Variants in PLPPR5 observed in about 807,000 individuals in gnomAD.
PLPPR5 encodes the protein phospholipid phosphatase-related protein type 5.
In PLPPR5, 16 loss-of-function variants were observed where a neutral mutation model predicts 33.9. The ratio of observed to expected loss-of-function variants is 0.47; its 90% CI spans 0.32 to 0.72. PLPPR5 has a LOEUF of 0.72. Among genes scored for constraint, PLPPR5 ranks in the 30% least tolerant of loss-of-function variants. The pLI is 0.03. For synonymous variants in PLPPR5, 163 were observed against 150.3 expected (o/e 1.08, Z -0.62); for missense variants, 301 against 406.7 (o/e 0.74, Z 2.23).
At chr1:98,960,744 C>T (rs1651215235) in intron 1 of PLPPR5, among the ~76,000 whole-genome samples, 1 of 152,160 alleles carries the variant, frequency 6.6e-6, no homozygotes, top group African/African-American at 2.4e-5. Context: ...AGAAGTGTCA[C>T]TGAGTCACTG....
In PLPPR5 at chr1:98,922,072, T is replaced by TA. The variant is rs79819201; in HGVS notation, c.622-15dup. On this transcript the variant is annotated splice_polypyrimidine_tract_variant and intron_variant, in intron 3 of 5. Transcript: ENST00000263177. Reference sequence around the variant, plus strand: ...GGTGATGTACATCTGAAACATTCAATAAAAAAAATGACTTTTCATGAAGGT... The same window carrying TA: ...GGTGATGTACATCTGAAACATTCAATAAAAAAAAATGACTTTTCATGAAGGT... The TA allele has an allele frequency of 0.74, 1,147,218 of 1,554,006 alleles. 420,200 individuals are homozygous for TA. The highest frequency in any genetic ancestry group is 0.78 in the East Asian group (33,940 of 43,450).
intron 3 of PLPPR5, among the ~76,000 whole-genome samples, chr1:98,932,917 C>A (rs1650036380): frequency 6.6e-6 from 1 of 152,168 alleles, no homozygotes; most frequent in African/African-American, 2.4e-5. Flanking sequence ...CAGCTCCACA[C>A]TCCTTTATCT....
At chr1:98,898,873 G>C (rs757093676) in intron 5 of PLPPR5, among the ~76,000 whole-genome samples, 1 of 152,062 alleles carries the variant, frequency 6.6e-6, no homozygotes, top group Non-Finnish European at 1.5e-5. Context: ...GGAGCTAACA[G>C]CTACCTTCTA....
intron 1 of PLPPR5, among the ~76,000 whole-genome samples, chr1:98,958,144 T>C (rs1199251862): frequency 6.6e-6 from 1 of 152,228 alleles, no homozygotes; most frequent in Non-Finnish European, 1.5e-5. Flanking sequence ...ATTGTGAAGT[T>C]TGCTTTTATT....
At chr1:98,927,117 A>C (rs368325007) in intron 3 of PLPPR5, among the ~76,000 whole-genome samples, 230 of 152,292 alleles carry the variant, frequency 1.5e-3, no homozygotes, top group South Asian at 8.7e-3. Context: ...TGAAGTCATA[A>C]ATTTTCTATA....
At chr1:98,895,451 G>A (rs1347969530) in intron 5 of PLPPR5, among the ~76,000 whole-genome samples, 3 of 151,942 alleles carry the variant, frequency 2.0e-5, no homozygotes, top group Non-Finnish European at 2.9e-5. Flanking sequence ...CCTTAATAAT[G>A]AGGCATGGAT....
intron 1 of PLPPR5, among the ~76,000 whole-genome samples, chr1:98,988,226 A>C (rs951700051): frequency 7.9e-5 from 12 of 152,118 alleles, no homozygotes; most frequent in Non-Finnish European, 4.4e-5. Context: ...ATTCTTTGTC[A>C]AAAGTTGCAG....
intron 1 of PLPPR5, among the ~76,000 whole-genome samples, chr1:98,973,475 C>T (rs1651734477): frequency 6.6e-6 from 1 of 151,778 alleles, no homozygotes. Flanking sequence ...ATGTTGATCA[C>T]AAGCAAAGCT....
intron 3 of PLPPR5, among the ~76,000 whole-genome samples, chr1:98,924,853 C>T (rs1423395328): frequency 6.6e-6 from 1 of 152,200 alleles, no homozygotes; most frequent in African/African-American, 2.4e-5. Context: ...TTTGGCTTTT[C>T]CCTCCATCAG....
chr1:98,973,884 A>C (rs1651749201), intron 1 of PLPPR5, among the ~76,000 whole-genome samples: 1 of 151,660 alleles, frequency 6.6e-6, no homozygotes, highest in Non-Finnish European at 1.5e-5. Flanking sequence ...GGAGGCCATA[A>C]AATTTCTGGG....
chr1:98,906,482 G>A (rs927588914), intron 5 of PLPPR5, among the ~76,000 whole-genome samples: 30 of 152,094 alleles, frequency 2.0e-4, no homozygotes, highest in African/African-American at 6.0e-4. Flanking sequence ...TACTTGTCTG[G>A]AAAATGATCT....
At chr1:98,933,300 G>A (rs1337395368) in intron 3 of PLPPR5, among the ~76,000 whole-genome samples, 5 of 151,770 alleles carry the variant, frequency 3.3e-5, no homozygotes, top group East Asian at 3.9e-4. Flanking sequence ...TGGCTAACAC[G>A]GTGAAACCCC....
At chr1:99,004,249 C>A (rs1390370421) in intron 1 of PLPPR5, 186 bp downstream of exon 1, 5 of 583,626 alleles carry the variant, frequency 8.6e-6, no homozygotes, top group Non-Finnish European at 1.5e-5. Context: ...GTGGGAAGAG[C>A]TGGGGGCTTC....
intron 1 of PLPPR5, among the ~76,000 whole-genome samples, chr1:98,974,414 T>C (rs1280490912): frequency 6.6e-6 from 1 of 152,116 alleles, no homozygotes; most frequent in African/African-American, 2.4e-5. Flanking sequence ...AATGGAAGAA[T>C]TCTCCACACA....
rs571842349 is a variant in PLPPR5 at position 98,974,838 on chromosome 1, G to A, written c.238-18097C>T. Among the ~76,000 whole-genome samples the A allele has an allele frequency of 1.0e-3, 159 of 152,036 alleles. 1 individual carries two copies. Among genetic ancestry groups the A allele is most frequent in the African/African-American group, 3.5e-3 (144 of 41,494 alleles). On this transcript the variant is annotated intron_variant, in intron 1 of 5. Transcript: ENST00000263177. ...AGCAGATCCCTATTCCTGAGTTTTC[G>A]CTTTGATCACTTACTTTGCACCTCA... is the stretch of plus-strand genomic sequence containing the variant.
intron 3 of PLPPR5, among the ~76,000 whole-genome samples, chr1:98,937,013 A>G (rs889676796): frequency 1.3e-5 from 2 of 152,224 alleles, no homozygotes; most frequent in Non-Finnish European, 2.9e-5. Flanking sequence ...GTTATAGGCT[A>G]CATGAGGTAG....
intron 3 of PLPPR5, among the ~76,000 whole-genome samples, chr1:98,933,951 G>A (rs1462534916): frequency 1.3e-5 from 2 of 152,196 alleles, no homozygotes; most frequent in Admixed American, 1.3e-4. Context: ...TTACGCAAAA[G>A]GAGAGGGGGT....
At chr1:98,911,549 T>A (rs1262015820) in intron 5 of PLPPR5, among the ~76,000 whole-genome samples, 1 of 152,116 alleles carries the variant, frequency 6.6e-6, no homozygotes, top group Non-Finnish European at 1.5e-5. Flanking sequence ...ATTTAATAGA[T>A]ACAATGATGT....
chr1:98,909,087 AGAAAG>A (rs932434939), intron 5 of PLPPR5, among the ~76,000 whole-genome samples: 1 of 152,112 alleles, frequency 6.6e-6, no homozygotes, highest in African/African-American at 2.4e-5. Flanking sequence ...AAAGGAAAGA[AGAAAG>A]GAAGGAAGGG....
Sources: gnomAD v4.1 joint callset for allele counts (sites outside exome capture counted in the v4.1 genomes callset) on GRCh38, gnomAD v4.1.1 for gene constraint, MANE v1.5 for transcripts, NCBI Gene and HGNC (gene_info 2026-07-23, HGNC 2026-07-21) for gene names.